Variants in MAP2K6 observed in about 807,000 individuals in gnomAD.
MAP2K6 encodes the protein dual specificity mitogen-activated protein kinase kinase 6.
MAP2K6 carries 16 observed loss-of-function variants against 53.7 expected under a neutral mutation model. The observed-to-expected ratio is 0.30, with a 90% CI of 0.20 to 0.45. MAP2K6 has a LOEUF of 0.45. Ranked by LOEUF, MAP2K6 falls within the 20% of genes least tolerant of loss-of-function variation. The probability of loss-of-function intolerance (pLI) is 1.00; values close to 1 mark genes in which losing one functional copy is unlikely to be tolerated. For missense variants in MAP2K6, 204 were observed against 411.9 expected, an observed-to-expected ratio of 0.50 and a Z score of 4.37; for synonymous variants, 132 against 143.1, an observed-to-expected ratio of 0.92 and a Z score of 0.55.
intron 10 of MAP2K6, among the ~76,000 whole-genome samples, chr17:69,535,094 C>T (rs756944): frequency 0.32 from 48,091 of 151,478 alleles, 8,426 homozygotes; most frequent in East Asian, 0.55. Context: ...TAATAAGTAA[C>T]AGCATTTATT....
In MAP2K6 at chr17:69,455,886, G is replaced by A. The variant is rs1356357395; in HGVS notation, c.16+40886G>A. On this transcript the variant is annotated intron_variant, in intron 1 of 11. Transcript: ENST00000590474. ...TTTTTTTTTTTTTTTTTAAGACAGA[G>A]TTTTGCTCTCGTTGCCCAGGCTGGA... is the stretch of plus-strand genomic sequence containing the variant. Among the ~76,000 whole-genome samples the A allele has an allele frequency of 4.2e-5, 5 of 118,434 alleles. No homozygotes were observed. The South Asian group carries it at 1.4e-3, about 34-fold the overall frequency. The allele number at this position is 118,434 out of a possible 152,430, so 77.7% of individuals were successfully genotyped here. A position where few individuals can be genotyped will look rare whatever the true frequency, so the allele number is the denominator to read the frequency against.
chr17:69,528,018 A>T (rs1686139625), intron 10 of MAP2K6, among the ~76,000 whole-genome samples: 1 of 148,372 alleles, frequency 6.7e-6, no homozygotes. Flanking sequence ...CTGAGGCAGG[A>T]GAACCGCTTG....
chr17:69,491,509 A>C (rs1475271919), intron 1 of MAP2K6, among the ~76,000 whole-genome samples: 1 of 152,118 alleles, frequency 6.6e-6, no homozygotes, highest in African/African-American at 2.4e-5. Flanking sequence ...TGCTATTGTG[A>C]ATAGTGCTGC....
chr17:69,523,675 G>A (rs1406526355), intron 8 of MAP2K6, 34 bp downstream of exon 8: 1 of 1,607,508 alleles, frequency 6.2e-7, no homozygotes, highest in African/African-American at 1.3e-5. Context: ...ATCTGGTAAT[G>A]TCACTGCCGA....
At chr17:69,483,475 TAC>T (rs1908419766) in intron 1 of MAP2K6, among the ~76,000 whole-genome samples, 1 of 152,076 alleles carries the variant, frequency 6.6e-6, no homozygotes, top group African/African-American at 2.4e-5. Flanking sequence ...TGCAAAGGCG[TAC>T]CATGTTCATG....
chr17:69,471,071 AG>A (rs1431600979), intron 1 of MAP2K6, among the ~76,000 whole-genome samples: 1 of 152,224 alleles, frequency 6.6e-6, no homozygotes, highest in Admixed American at 6.5e-5. Flanking sequence ...ACTTCATTGC[AG>A]GTAAATTAAT....
At chr17:69,521,917 G>A (rs1910505121) in intron 7 of MAP2K6, 1 of 151,920 alleles carries the variant, frequency 6.6e-6, no homozygotes, top group Non-Finnish European at 1.5e-5. Context: ...GAGGAGGGCG[G>A]ATCACCTAAG....
At chr17:69,501,391 C>T (rs1328967808) in intron 1 of MAP2K6, among the ~76,000 whole-genome samples, 1 of 152,182 alleles carries the variant, frequency 6.6e-6, no homozygotes, top group Non-Finnish European at 1.5e-5. Flanking sequence ...TTTGTGCTTA[C>T]CCTCTCAGAG....
At chr17:69,531,194 T>A (rs1911068099) in intron 10 of MAP2K6, among the ~76,000 whole-genome samples, 1 of 152,178 alleles carries the variant, frequency 6.6e-6, no homozygotes, top group Non-Finnish European at 1.5e-5. Flanking sequence ...ATATTTAATC[T>A]CAAATTTCAA....
At chr17:69,460,882 G>T (rs1907603324) in intron 1 of MAP2K6, among the ~76,000 whole-genome samples, 1 of 152,176 alleles carries the variant, frequency 6.6e-6, no homozygotes, top group African/African-American at 2.4e-5. Context: ...TTACAGGCCT[G>T]AGCCACCATA....
At chr17:69,502,443 T>G in intron 1 of MAP2K6, 1 of 985,436 alleles carries the variant, frequency 1.0e-6, no homozygotes, top group Non-Finnish European at 1.2e-6. Context: ...AGTGTTGCTG[T>G]GTGTGCTTGT....
chr17:69,529,624 C>T (rs1910974055), intron 10 of MAP2K6, among the ~76,000 whole-genome samples: 2 of 150,940 alleles, frequency 1.3e-5, no homozygotes, highest in Non-Finnish European at 2.9e-5. Context: ...CATTCTCCTG[C>T]CTCAGCCTCC....
chr17:69,503,044 T>G (rs1289834600), intron 1 of MAP2K6, among the ~76,000 whole-genome samples: 2 of 152,206 alleles, frequency 1.3e-5, no homozygotes, highest in Admixed American at 6.5e-5. Context: ...TAAGAGTAAC[T>G]TCTGCTTTTG....
In MAP2K6 at chr17:69,427,039, T is replaced by A. The variant is rs2145132945; in HGVS notation, c.16+12039T>A. Among the ~76,000 whole-genome samples, 4 of 152,298 alleles carry A rather than the reference T, an allele frequency of 2.6e-5. No homozygotes were observed. In the South Asian group the frequency reaches 8.3e-4, roughly 32 times the overall value. On this transcript the variant is annotated intron_variant, in intron 1 of 11. Coordinates refer to ENST00000590474, the MANE Select transcript of MAP2K6 (RefSeq NM_002758.4). ...AACAAGTATATCATATCAACCAGGT[T>A]TATAGACACACTGTAATTATATAAG...
At chr17:69,480,383 C>A (rs1027819825) in intron 1 of MAP2K6, among the ~76,000 whole-genome samples, 3 of 152,226 alleles carry the variant, frequency 2.0e-5, no homozygotes, top group Non-Finnish European at 4.4e-5. Flanking sequence ...GGGAACAGGA[C>A]TCTCCACAGT....
intron 1 of MAP2K6, among the ~76,000 whole-genome samples, chr17:69,481,071 T>C (rs1045327432): frequency 1.3e-5 from 2 of 152,214 alleles, no homozygotes; most frequent in African/African-American, 4.8e-5. Flanking sequence ...CACATTGGTA[T>C]GCATCTGTCC....
At chr17:69,430,470 G>C (rs573520585) in intron 1 of MAP2K6, among the ~76,000 whole-genome samples, 2 of 152,338 alleles carry the variant, frequency 1.3e-5, no homozygotes, top group East Asian at 3.9e-4. Flanking sequence ...AGTTCTGCCT[G>C]AAAGAAATGA....
chr17:69,511,894 G>A (rs1057007194), intron 2 of MAP2K6, among the ~76,000 whole-genome samples: 9 of 152,216 alleles, frequency 5.9e-5, no homozygotes, highest in Admixed American at 2.6e-4. Context: ...CAGGAGAAGC[G>A]CTTGAACCCA....
intron 10 of MAP2K6, among the ~76,000 whole-genome samples, chr17:69,533,333 A>G (rs1911184117): frequency 1.3e-5 from 2 of 152,250 alleles, no homozygotes; most frequent in African/African-American, 4.8e-5. Context: ...AAAAAAATAC[A>G]GTATTTTTAA....
Sources: gnomAD v4.1 joint callset for allele counts (sites outside exome capture counted in the v4.1 genomes callset) on GRCh38, gnomAD v4.1.1 for gene constraint, MANE v1.5 for transcripts, NCBI Gene and HGNC (gene_info 2026-07-23, HGNC 2026-07-21) for gene names.